The following PPP5C variants were observed in gnomAD, a reference collection of about 807,000 sequenced individuals.
PPP5C encodes protein phosphatase 5 catalytic subunit.
In PPP5C, 21 loss-of-function variants were observed where a neutral mutation model predicts 66.7. That is an observed-to-expected ratio of 0.31 (90% CI 0.22 to 0.45). PPP5C has a LOEUF of 0.45. PPP5C is among the 20% of genes least tolerant of loss of function. The pLI is 1.00. For missense variants in PPP5C, 464 were observed against 675.9 expected (o/e 0.69, Z 3.48); for synonymous variants, 246 against 257.4 (o/e 0.96, Z 0.43).
intron 2 of PPP5C, among the ~76,000 whole-genome samples, chr19:46,373,762 G>C (rs1007165575): frequency 6.6e-6 from 1 of 152,182 alleles, no homozygotes; most frequent in African/African-American, 2.4e-5. Context: ...GAACCAGCAG[G>C]GCTCACGGCT....
intron 1 of PPP5C, among the ~76,000 whole-genome samples, chr19:46,349,060 G>C (rs918966752): frequency 3.9e-5 from 6 of 152,098 alleles, no homozygotes; most frequent in Admixed American, 6.6e-5. Context: ...GTGGAGAAAT[G>C]GGGGAGGGTG....
chr19:46,374,269 C>G (rs1166788348), intron 2 of PPP5C, among the ~76,000 whole-genome samples: 1 of 152,198 alleles, frequency 6.6e-6, no homozygotes, highest in East Asian at 1.9e-4. Flanking sequence ...TCACACCAAC[C>G]TGCAGGGGTC....
At chr19:46,354,095 C>T (rs906752150) in intron 2 of PPP5C, 106 bp downstream of exon 2, 2 of 1,456,442 alleles carry the variant, frequency 1.4e-6, no homozygotes, top group Non-Finnish European at 1.8e-6. Context: ...ACTTACCACT[C>T]AGCCAGCCAG....
In PPP5C at chr19:46,387,173, G is replaced by C; in HGVS notation, c.985G>C (p.Glu329Gln). ...GGCCAAGTACACAGCCCAGATGTAC[G>C]AGCTCTTTAGCGAGGTGTTCGAGTG... is the stretch of plus-strand genomic sequence containing the variant. ...VKAKYTAQMY[E>Q]LFSEVFEWLP... Residue 329 changes from glutamate (E) to glutamine (Q), a missense_variant, in exon 8 of 13, where the codon GAG becomes CAG. By Grantham distance (29) the Glu-to-Gln change is conservative. Coordinates refer to ENST00000012443, the MANE Select transcript of PPP5C (RefSeq NM_006247.4). The C allele has an allele frequency of 6.2e-7, 1 of 1,614,248 alleles. No individual in the cohort carries two copies. The highest frequency in any genetic ancestry group is 1.3e-5 in the African/African-American group (1 of 75,068).
rs763256252 is a variant in PPP5C at position 46,384,881 on chromosome 19, G to A, written c.876G>A (p.Leu292=). The A allele has an allele frequency of 1.7e-5, 28 of 1,613,972 alleles. No individual in the cohort carries two copies. The highest frequency in any genetic ancestry group is 1.6e-4 in the Middle Eastern group (1 of 6,080). ...TCACCCTTTTCGGCTTCAAGCTCCTGTACCCAGATCACTTTCACCTCCTTC... is the reference window on the plus strand; with the variant it reads ...TCACCCTTTTCGGCTTCAAGCTCCTATACCCAGATCACTTTCACCTCCTTC... The part of the protein sequence containing the change: ...VILTLFGFKL[L]YPDHFHLLRG... Residue 292 remains leucine (L), a synonymous_variant, in exon 7 of 13, where the codon CTG becomes CTA. Coordinates refer to ENST00000012443, the MANE Select transcript of PPP5C (RefSeq NM_006247.4).
chr19:46,376,539 G>T lies in PPP5C; in HGVS notation c.598G>T (p.Asp200Tyr). 1.9e-6 allele frequency: 3 copies of T among 1,613,894 alleles called. No individual in the cohort carries two copies. The highest frequency in any genetic ancestry group is 2.5e-6 in the Non-Finnish European group (3 of 1,179,902). The change falls in exon 4 of 13, where the codon GAC becomes TAC. Residue 200 changes from aspartate to tyrosine, a missense_variant. Asp to Tyr is a radical substitution (Grantham distance 160). Around this residue, in one of 2 missense-constraint regions of PPP5C, gnomAD observed 387 missense variants for 626.0 expected, o/e 0.62. Transcript: ENST00000012443. The surrounding 1 kb of genome is among the most constrained non-coding windows in gnomAD (Gnocchi z 5.1). ...GAAGGAGCTCATGCAGTGGTACAAG[G>T]ACCAGAAGAAACTGCACCGGAAATG... ...FMKELMQWYK[D>Y]QKKLHRKCAY...
At chr19:46,354,830 G>A (rs1359993647) in intron 2 of PPP5C, among the ~76,000 whole-genome samples, 1 of 151,964 alleles carries the variant, frequency 6.6e-6, no homozygotes, top group Non-Finnish European at 1.5e-5. Context: ...TATGCTGCCA[G>A]GGACAGCAGA....
In PPP5C at chr19:46,390,139, C is replaced by T; in HGVS notation, c.1437+7C>T. The stretch of plus-strand genomic sequence containing the variant: ...CCACCAGTTCACAGCAGTGGTGAGT[C>T]ACCCCTCAGGGCCCCTGCCCCTTCC... On this transcript the variant is annotated splice_region_variant and intron_variant, in intron 12 of 12. Transcript: ENST00000012443. 3 of 1,613,594 alleles carry T rather than the reference C, an allele frequency of 1.9e-6. No individual in the cohort carries two copies. The highest frequency in any genetic ancestry group is 2.5e-6 in the Non-Finnish European group (3 of 1,179,570).
Position 46,369,406 on chromosome 19 carries a change from G to A in PPP5C, c.364-6198G>A, listed in dbSNP as rs560321135. Among the ~76,000 whole-genome samples, 16 of 152,348 alleles carry A rather than the reference G, an allele frequency of 1.1e-4. No individual in the cohort carries two copies. In the South Asian group the frequency reaches 2.9e-3, roughly 28 times the overall value. On this transcript the variant is annotated intron_variant, in intron 2 of 12. Coordinates refer to ENST00000012443, the MANE Select transcript of PPP5C (RefSeq NM_006247.4). ...CCAGCACTTTGGGAGGCCGAGGCGGGTGGATCACGAGGTCAGGAGATCAAG... is the reference window on the plus strand; with the variant it reads ...CCAGCACTTTGGGAGGCCGAGGCGGATGGATCACGAGGTCAGGAGATCAAG...
At chr19:46,354,012 C>A (rs766586096) in intron 2 of PPP5C, 23 bp downstream of exon 2, 1 of 1,607,830 alleles carries the variant, frequency 6.2e-7, no homozygotes, top group Non-Finnish European at 8.5e-7. Flanking sequence ...GTGGGCCAGG[C>A]CTGGCACCTG....
At chr19:46,377,769 C>T (rs1046189488) in intron 4 of PPP5C, among the ~76,000 whole-genome samples, 10 of 152,196 alleles carry the variant, frequency 6.6e-5, no homozygotes, top group African/African-American at 2.4e-4. Flanking sequence ...CGTTTAGTGT[C>T]TCTTCTTTCA....
intron 2 of PPP5C, among the ~76,000 whole-genome samples, chr19:46,364,477 A>G (rs917032179): frequency 6.6e-6 from 1 of 152,064 alleles, no homozygotes; most frequent in Admixed American, 6.5e-5. Flanking sequence ...TAGCAAACCT[A>G]TCTGTTCCTT....
chr19:46,375,489 T>C, intron 2 of PPP5C, 115 bp from the exon 3 acceptor site: 1 of 1,453,942 alleles, frequency 6.9e-7, no homozygotes, highest in South Asian at 1.4e-5. Flanking sequence ...CATCAGCACC[T>C]GGCGCCCAGG....
Position 46,364,544 on chromosome 19 carries a change from T to A in PPP5C, c.363+10555T>A, listed in dbSNP as rs554347259. Among the ~76,000 whole-genome samples, 49 of 152,288 alleles carry A rather than the reference T, an allele frequency of 3.2e-4. 1 individual carries two copies. Among genetic ancestry groups the A allele is most frequent in the African/African-American group, 1.2e-3 (48 of 41,562 alleles). On this transcript the variant is annotated intron_variant, in intron 2 of 12. Transcript: ENST00000012443. ...GTTTGCTTTGGGAGGTGGGTCATATTTGTTTATTAGAGGTCTAGGGTAATC... is the reference window on the plus strand; with the variant it reads ...GTTTGCTTTGGGAGGTGGGTCATATATGTTTATTAGAGGTCTAGGGTAATC...
chr19:46,390,527 C>A lies in PPP5C; in HGVS notation c.*181C>A. The A allele has an allele frequency of 6.9e-7, 1 of 1,446,310 alleles. No individual in the cohort carries two copies. Among genetic ancestry groups the A allele is most frequent in the Admixed American group, 2.4e-5 (1 of 42,384 alleles). 89.6% of individuals were successfully genotyped at this position (1,446,310 alleles called of 1,614,324 possible). On this transcript the variant is annotated 3_prime_UTR_variant, in exon 13 of 13. Transcript: ENST00000012443. The stretch of plus-strand genomic sequence containing the variant: ...GGTAGGGGCAGAGTCAGGGGCTGGC[C>A]AGAGGGTCTGCTCCCTGGACAGAGA...
rs1462471795 is a variant in PPP5C, at chr19:46,376,568, C to T, written c.627C>T (p.Ala209=). The change falls in exon 4 of 13, where the codon GCC becomes GCT. Residue 209 remains alanine (A), a synonymous_variant. Transcript: ENST00000012443. This position sits in a 1 kb window ranked among gnomAD's most constrained non-coding sequence, Gnocchi z 5.1. ...KDQKKLHRKC[A]YQILVQVKEV... is the part of the protein sequence containing the mutation. ...AGAAGAAACTGCACCGGAAATGTGC[C>T]TACCAGGTAATGCATCTGTCAGGTA... is the stretch of plus-strand genomic sequence containing the variant. 3.7e-6 allele frequency: 6 copies of T among 1,613,606 alleles called. No homozygotes were observed. Among genetic ancestry groups the T allele is most frequent in the Non-Finnish European group, 5.1e-6 (6 of 1,179,706 alleles).
chr19:46,352,122 C>T (rs1378082911), intron 1 of PPP5C, among the ~76,000 whole-genome samples: 1 of 152,188 alleles, frequency 6.6e-6, no homozygotes, highest in Non-Finnish European at 1.5e-5. Context: ...AACTGACTCC[C>T]ATCCTCCAGG....
At chr19:46,354,692 G>C (rs1177222798) in intron 2 of PPP5C, among the ~76,000 whole-genome samples, 1 of 152,044 alleles carries the variant, frequency 6.6e-6, no homozygotes, top group Non-Finnish European at 1.5e-5. Flanking sequence ...AGCTACTCAG[G>C]AGGCTGAGGC....
intron 2 of PPP5C, among the ~76,000 whole-genome samples, chr19:46,364,122 A>G (rs965277095): frequency 6.6e-6 from 1 of 152,206 alleles, no homozygotes; most frequent in African/African-American, 2.4e-5. Flanking sequence ...TGTCAACAAG[A>G]AGAAAGAGGG....
Sources: gnomAD v4.1 joint callset for allele counts (sites outside exome capture counted in the v4.1 genomes callset) on GRCh38, gnomAD v4.1.1 for gene constraint, gnomAD v4.1.1 regional missense constraint, Gnocchi (gnomAD v3.1) non-coding constraint, MANE v1.5 for transcripts, NCBI Gene and HGNC (gene_info 2026-07-23, HGNC 2026-07-21) for gene names.